PRR23E: variants seen among roughly 807,000 people sequenced by gnomAD.
PRR23E encodes PRR23 family member E.
the PRR23E span, among the ~76,000 whole-genome samples, chr3:127,194,522 C>T: frequency 6.6e-6 from 1 of 152,302 alleles, no homozygotes; most frequent in South Asian, 2.1e-4. Flanking sequence ...ACTGATTTTC[C>T]ATCTAGAGGC....
the PRR23E span, among the ~76,000 whole-genome samples, chr3:127,195,013 C>A: frequency 1.3e-5 from 2 of 152,220 alleles, no homozygotes; most frequent in African/African-American, 4.8e-5. Context: ...TCCAGGACCC[C>A]AGCCAGGAGA....
At chr3:127,198,038 C>T in the PRR23E span, 4 of 152,358 alleles carry the variant, frequency 2.6e-5, no homozygotes, top group Non-Finnish European at 2.9e-5. Context: ...AATGCTGACT[C>T]GTTCAGAGCG....
chr3:127,196,720 A>T, the PRR23E span: 2 of 1,593,486 alleles, frequency 1.3e-6, no homozygotes, highest in Non-Finnish European at 1.7e-6. Flanking sequence ...CAAGCAGAGC[A>T]GAAGGTCCGC....
At chr3:127,196,894 A>G in the PRR23E span, 1 of 1,599,258 alleles carries the variant, frequency 6.3e-7, no homozygotes, top group African/African-American at 1.3e-5. Flanking sequence ...TTTTCCCCAC[A>G]AGCTTACCCA....
chr3:127,196,558 T>A, the PRR23E span: 6 of 1,364,428 alleles, frequency 4.4e-6, no homozygotes, highest in Admixed American at 2.9e-5. Flanking sequence ...CTGGTCTCCC[T>A]GCCCTCTGAC....
chr3:127,196,661 C>G, the PRR23E span: 5 of 1,562,248 alleles, frequency 3.2e-6, no homozygotes, highest in Non-Finnish European at 4.3e-6. Context: ...CACTTCGGGG[C>G]TTTGAAGAGC....
At chr3:127,193,762 GT>G in the PRR23E span, among the ~76,000 whole-genome samples, 3 of 152,144 alleles carry the variant, frequency 2.0e-5, no homozygotes, top group African/African-American at 7.2e-5. Context: ...AACCCAGCAT[GT>G]TTTTCTCCAT....
chr3:127,193,692 G>A, the PRR23E span, among the ~76,000 whole-genome samples: 5 of 152,280 alleles, frequency 3.3e-5, no homozygotes, highest in African/African-American at 1.2e-4. Context: ...CTTCGGACAA[G>A]GAAATCGGGT....
At chr3:127,193,997 A>T in the PRR23E span, among the ~76,000 whole-genome samples, 1 of 152,230 alleles carries the variant, frequency 6.6e-6, no homozygotes, top group Non-Finnish European at 1.5e-5. Flanking sequence ...TCTGTATCTG[A>T]CATATGATTA....
At chr3:127,197,700 A>G in the PRR23E span, 6 of 296,556 alleles carry the variant, frequency 2.0e-5, no homozygotes, top group East Asian at 2.8e-4. Context: ...ACATGCATGC[A>G]TGCAACCTTG....
chr3:127,195,871 C>T, the PRR23E span, among the ~76,000 whole-genome samples: 1 of 152,216 alleles, frequency 6.6e-6, no homozygotes, highest in Non-Finnish European at 1.5e-5. Context: ...CTCCAAATTT[C>T]AAGGAGATTC....
chr3:127,197,091 C>T, the PRR23E span: 1 of 1,598,004 alleles, frequency 6.3e-7, no homozygotes, highest in African/African-American at 1.3e-5. Context: ...GAAATTCCCA[C>T]CCACCTACTC....
chr3:127,197,337 T>A, the PRR23E span: 2 of 1,596,998 alleles, frequency 1.3e-6, no homozygotes. Flanking sequence ...CATTGAAGAT[T>A]CTCAGCTGGA....
At chr3:127,193,707 A>G in the PRR23E span, among the ~76,000 whole-genome samples, 1 of 152,206 alleles carries the variant, frequency 6.6e-6, no homozygotes, top group African/African-American at 2.4e-5. Flanking sequence ...TCGGGTTTTG[A>G]ATTTGATAGC....
chr3:127,198,080 T>G, the PRR23E span: 3 of 152,214 alleles, frequency 2.0e-5, no homozygotes, highest in Admixed American at 1.3e-4. Flanking sequence ...GGGTGTGCTC[T>G]TCTCACTCCT....
the PRR23E span, chr3:127,196,713 G>C: frequency 2.0e-5 from 32 of 1,592,598 alleles, no homozygotes; most frequent in Admixed American, 5.4e-4. Context: ...AGAGAAACAA[G>C]CAGAGCAGAA....
chr3:127,197,254 G>A, the PRR23E span: 8 of 1,599,242 alleles, frequency 5.0e-6, no homozygotes, highest in Non-Finnish European at 6.8e-6. Flanking sequence ...CCCTCAGAAT[G>A]GGCCTCCAGG....
the PRR23E span, among the ~76,000 whole-genome samples, chr3:127,194,037 G>A: frequency 3.3e-5 from 5 of 152,142 alleles, no homozygotes; most frequent in Non-Finnish European, 5.9e-5. Flanking sequence ...TGGAGATATC[G>A]CCCTCTATTT....
the PRR23E span, chr3:127,196,579 C>T: frequency 6.9e-7 from 1 of 1,439,500 alleles, no homozygotes; most frequent in Non-Finnish European, 9.1e-7. Context: ...TGGCTGTCTG[C>T]TCACCCCACA....
Sources: allele counts gnomAD v4.1 joint callset (sites outside exome capture counted in the v4.1 genomes callset), GRCh38; gene constraint gnomAD v4.1.1; transcripts MANE v1.5; gene names NCBI Gene and HGNC (gene_info 2026-07-23, HGNC 2026-07-21).